The following ANKS1A variants were observed in gnomAD, a reference collection of about 807,000 sequenced individuals.
The protein encoded by ANKS1A is ankyrin repeat and sterile alpha motif domain containing 1A, also known as ankyrin repeat and SAM domain-containing protein 1A.
ANKS1A carries 55 observed loss-of-function variants against 120.3 expected under a neutral mutation model. That is an observed-to-expected ratio of 0.46 (90% CI 0.37 to 0.57). The LOEUF is 0.57. Ranked by LOEUF, ANKS1A falls within the 20% of genes least tolerant of loss-of-function variation. The probability of loss-of-function intolerance (pLI) is 0.00; values close to 1 mark genes in which losing one functional copy is unlikely to be tolerated. For missense variants in ANKS1A, 1,123 were observed against 1,480.3 expected, an observed-to-expected ratio of 0.76 and a Z score of 3.96; for synonymous variants, 590 against 604.7, an observed-to-expected ratio of 0.98 and a Z score of 0.36.
At chr6:35,097,395 G>A in the ANKS1A span, among the ~76,000 whole-genome samples, 1 of 151,932 alleles carries the variant, frequency 6.6e-6, no homozygotes, top group Admixed American at 6.6e-5. Flanking sequence ...TGTAATCCCA[G>A]CTACTTGGGA....
At chr6:34,940,472 A>G (rs1769469149) in intron 1 of ANKS1A, among the ~76,000 whole-genome samples, 1 of 152,174 alleles carries the variant, frequency 6.6e-6, no homozygotes, top group Non-Finnish European at 1.5e-5. Flanking sequence ...AACAGAAATG[A>G]GAGATGATTT....
chr6:34,906,160 A>AGG (rs924740063), intron 1 of ANKS1A, among the ~76,000 whole-genome samples: 1 of 151,834 alleles, frequency 6.6e-6, no homozygotes, highest in African/African-American at 2.4e-5. Flanking sequence ...AATGGGTGGC[A>AGG]GGGGGCAGTG....
At chr6:34,910,336 G>A (rs777870953) in intron 1 of ANKS1A, among the ~76,000 whole-genome samples, 1 of 152,110 alleles carries the variant, frequency 6.6e-6, no homozygotes, top group Non-Finnish European at 1.5e-5. Flanking sequence ...AGGCTGAGGC[G>A]AGAGGATTGC....
Position 35,017,555 on chromosome 6 carries a change from C to G in ANKS1A, c.1506C>G (p.Leu502=), listed in dbSNP as rs1774089729. ...AGGTCCCAGAGCAGTTCTCAGGCCT[C>G]CTCCACGGCTCCTCCCCGGTGTGCG... ...DGQVPEQFSG[L]LHGSSPVCEV... is the part of the protein sequence containing the mutation. Residue 502 remains leucine (L), a synonymous_variant, in exon 11 of 24, where the codon CTC becomes CTG. Transcript: ENST00000360359. 6.2e-7 allele frequency: 1 copy of G among 1,614,000 alleles called. No individual in the cohort carries two copies. The highest frequency in any genetic ancestry group is 1.3e-5 in the African/African-American group (1 of 74,940).
At chr6:35,037,985 G>C (rs959209336) in intron 11 of ANKS1A, among the ~76,000 whole-genome samples, 4 of 152,092 alleles carry the variant, frequency 2.6e-5, no homozygotes, top group African/African-American at 9.7e-5. Flanking sequence ...GCACGATGGA[G>C]TGAATGAAAA....
At chr6:34,984,553 C>T (rs1476398993) in intron 7 of ANKS1A, among the ~76,000 whole-genome samples, 1 of 152,148 alleles carries the variant, frequency 6.6e-6, no homozygotes, top group Non-Finnish European at 1.5e-5. Flanking sequence ...ACAGGTGACC[C>T]AGAGTTGCCT....
At chr6:34,996,496 C>T (rs1404558863) in intron 10 of ANKS1A, among the ~76,000 whole-genome samples, 6 of 148,348 alleles carry the variant, frequency 4.0e-5, no homozygotes, top group Non-Finnish European at 8.9e-5. Context: ...TTTTTTAAGA[C>T]GGAGTCTTGC....
At position 35,088,220 on chromosome 6, in the gene ANKS1A, T is replaced by C. The variant is rs560068376; in HGVS notation, c.3402-386T>C. Among the ~76,000 whole-genome samples, 109 of 152,326 alleles carry C rather than the reference T, an allele frequency of 7.2e-4. No homozygotes were observed. In the Middle Eastern group the frequency reaches 0.024, roughly 33 times the overall value. ...AGCTCAGAAGCTGGGATGGTGGAGC[T>C]GAGTCTTTGAAGAGGCACCCCATTC... On this transcript the variant is annotated intron_variant, in intron 23 of 23. Coordinates refer to ENST00000360359, the MANE Select transcript of ANKS1A (RefSeq NM_015245.3).
chr6:35,065,455 G>A (rs938537143), intron 13 of ANKS1A, among the ~76,000 whole-genome samples: 2 of 144,220 alleles, frequency 1.4e-5, no homozygotes, highest in East Asian at 1.9e-4. Flanking sequence ...TGCTGGCCTC[G>A]TTGTGAGCAG....
At chr6:35,045,043 CA>C (rs534388062) in intron 11 of ANKS1A, among the ~76,000 whole-genome samples, 2 of 152,190 alleles carry the variant, frequency 1.3e-5, no homozygotes, top group African/African-American at 2.4e-5. Flanking sequence ...AATCCCCCAG[CA>C]ACAGAGGTAG....
chr6:35,003,474 G>C (rs1554143715), intron 10 of ANKS1A, among the ~76,000 whole-genome samples: 1 of 152,136 alleles, frequency 6.6e-6, no homozygotes, highest in Non-Finnish European at 1.5e-5. Context: ...AAGGCAAGTA[G>C]TTAAAGACAT....
Position 35,079,924 on chromosome 6 carries a change from T to G in ANKS1A, c.2540T>G (p.Leu847Arg). ...CAGAAGCCCCCCAGATTCTCCCAGC[T>G]GAGGGTGAGTCGGGGAGGGACAGAA... is the stretch of plus-strand genomic sequence containing the variant. ...PPQKPPRFSQ[L>R]RCQDLLSQTS... Residue 847 changes from leucine (L) to arginine (R), a missense_variant, in exon 16 of 24, where the codon CTG becomes CGG. Physicochemically the swap from Leu to Arg is moderately radical, Grantham distance 102. Coordinates refer to ENST00000360359, the MANE Select transcript of ANKS1A (RefSeq NM_015245.3). 1 of 1,555,700 alleles carries G rather than the reference T, an allele frequency of 6.4e-7. No homozygotes were observed. The highest frequency in any genetic ancestry group is 1.4e-5 in the African/African-American group (1 of 73,460).
At chr6:35,093,244 A>G (rs1202770373), downstream of ANKS1A, among the ~76,000 whole-genome samples, 1 of 152,204 alleles carries the variant, frequency 6.6e-6, no homozygotes, top group Non-Finnish European at 1.5e-5. Flanking sequence ...CTAACACCAT[A>G]AAATATTTAT....
intron 11 of ANKS1A, among the ~76,000 whole-genome samples, chr6:35,033,569 T>C (rs879756529): frequency 7.2e-5 from 11 of 152,260 alleles, no homozygotes; most frequent in Admixed American, 6.5e-5. Context: ...CAGATAACGC[T>C]GTTTCTCTGT....
At chr6:35,013,076 C>G (rs940438044) in intron 10 of ANKS1A, among the ~76,000 whole-genome samples, 1 of 152,160 alleles carries the variant, frequency 6.6e-6, no homozygotes, top group Non-Finnish European at 1.5e-5. Context: ...CAGGCATGTA[C>G]TGCCACACCT....
At chr6:34,901,673 G>T (rs1455212909) in intron 1 of ANKS1A, among the ~76,000 whole-genome samples, 3 of 152,142 alleles carry the variant, frequency 2.0e-5, no homozygotes, top group Non-Finnish European at 4.4e-5. Flanking sequence ...ACCATGCCCG[G>T]TTAATTTTTG....
chr6:35,036,656 A>G (rs1457916565), intron 11 of ANKS1A, among the ~76,000 whole-genome samples: 2 of 152,244 alleles, frequency 1.3e-5, no homozygotes, highest in African/African-American at 2.4e-5. Context: ...TGACTGATCT[A>G]AAATATTAGA....
Position 35,029,402 on chromosome 6 carries a change from G to A in ANKS1A, c.2010+11343G>A, listed in dbSNP as rs564740007. Among the ~76,000 whole-genome samples, 236 of 143,126 alleles carry A rather than the reference G, an allele frequency of 1.6e-3. 1 individual carries two copies. Among genetic ancestry groups the A allele is most frequent in the African/African-American group, 5.9e-3 (227 of 38,184 alleles). The allele number at this position is 143,126 out of a possible 152,430, so 93.9% of individuals were successfully genotyped here. A position where few individuals can be genotyped will look rare whatever the true frequency, so the allele number is the denominator to read the frequency against. On this transcript the variant is annotated intron_variant, in intron 11 of 23. Transcript: ENST00000360359. ...CTTGCTCTGTCACCCCGGCTGGAGTGCAGTGGCACAAACTTGGTTCACTGC... is the reference window on the plus strand; with the variant it reads ...CTTGCTCTGTCACCCCGGCTGGAGTACAGTGGCACAAACTTGGTTCACTGC...
chr6:34,973,243 C>G (rs1056841600), intron 3 of ANKS1A, among the ~76,000 whole-genome samples: 5 of 152,122 alleles, frequency 3.3e-5, no homozygotes, highest in African/African-American at 9.7e-5. Flanking sequence ...CCCAATATCT[C>G]CAGCCATTAG....
Sources: gnomAD v4.1 joint callset for allele counts (sites outside exome capture counted in the v4.1 genomes callset) on GRCh38, gnomAD v4.1.1 for gene constraint, MANE v1.5 for transcripts, NCBI Gene and HGNC (gene_info 2026-07-23, HGNC 2026-07-21) for gene names.